PSMD14: variants seen among roughly 807,000 people sequenced by gnomAD.
PSMD14 encodes proteasome 26S subunit, non-ATPase 14.
In PSMD14, 7 loss-of-function variants were observed where a neutral mutation model predicts 41.2. That is an observed-to-expected ratio of 0.17 (90% CI 0.10 to 0.32). The LOEUF (loss-of-function observed/expected upper bound fraction) is 0.32, where lower values mean the gene tolerates loss of function less well. Among genes scored for constraint, PSMD14 ranks in the 10% least tolerant of loss-of-function variants. The pLI, the probability that PSMD14 is intolerant of heterozygous loss-of-function variation, is 1.00. For missense variants in PSMD14, 139 were observed against 375.6 expected, an observed-to-expected ratio of 0.37 and a Z score of 5.21; for synonymous variants, 114 against 122.3, an observed-to-expected ratio of 0.93 and a Z score of 0.45.
At chr2:161,350,744 AG>A (rs1287960090) in intron 3 of PSMD14, among the ~76,000 whole-genome samples, 3 of 152,266 alleles carry the variant, frequency 2.0e-5, no homozygotes, top group Admixed American at 6.5e-5. Context: ...GCTGTAATGC[AG>A]GTATAGTTAG....
At position 161,395,151 on chromosome 2, in the gene PSMD14, A is replaced by T. The variant is rs146149534; in HGVS notation, c.719A>T (p.His240Leu). 2.1e-5 allele frequency: 33 copies of T among 1,600,048 alleles called. No homozygotes were observed. The highest frequency in any genetic ancestry group is 2.8e-5 in the Non-Finnish European group (33 of 1,172,206). ...CAGGACTACAGTGAACATTGTAAAC[A>T]CAATGAATCAGTGGTAAAAGAGATG... ...TLQDYSEHCK[H>L]NESVVKEMLE... Residue 240 changes from histidine (H) to leucine (L), a missense_variant, in exon 10 of 12, where the codon CAC becomes CTC. His to Leu is a moderately conservative substitution (Grantham distance 99). Around this residue, in one of 4 missense-constraint regions of PSMD14, gnomAD observed 80 missense variants for 138.1 expected, o/e 0.58. Coordinates refer to ENST00000409682, the MANE Select transcript of PSMD14 (RefSeq NM_005805.6).
intron 10 of PSMD14, chr2:161,408,226 C>T (rs1683979222): frequency 6.6e-6 from 1 of 151,960 alleles, no homozygotes; most frequent in Non-Finnish European, 1.5e-5. Context: ...TACTAAAGAT[C>T]ACTCATGTGG....
At chr2:161,324,787 AT>A (rs1263145964) in intron 3 of PSMD14, among the ~76,000 whole-genome samples, 1 of 152,078 alleles carries the variant, frequency 6.6e-6, no homozygotes, top group Non-Finnish European at 1.5e-5. Flanking sequence ...TTACATGAAT[AT>A]TTGTGACTTT....
chr2:161,340,975 G>C, intron 3 of PSMD14: 5 of 1,612,832 alleles, frequency 3.1e-6, no homozygotes, highest in Non-Finnish European at 4.2e-6. Flanking sequence ...TCCAAGTCCT[G>C]CTCCTCTTCC....
intron 10 of PSMD14, among the ~76,000 whole-genome samples, chr2:161,404,387 T>G (rs1683922275): frequency 1.3e-5 from 2 of 152,212 alleles, no homozygotes; most frequent in African/African-American, 4.8e-5. Flanking sequence ...GTAACTTTAT[T>G]AAGTGGCCAA....
chr2:161,400,419 C>T lies in PSMD14; in HGVS notation c.771+5216C>T, dbSNP rs140510496. On this transcript the variant is annotated intron_variant, in intron 10 of 11. Coordinates refer to ENST00000409682, the MANE Select transcript of PSMD14 (RefSeq NM_005805.6). ...TCCACACAGCACTCCTGATTACAACCGGCCCTGGAACTATATGGATTTGGA... is the reference window on the plus strand; with the variant it reads ...TCCACACAGCACTCCTGATTACAACTGGCCCTGGAACTATATGGATTTGGA... Among the ~76,000 whole-genome samples the T allele has an allele frequency of 4.6e-5, 7 of 152,180 alleles. 1 individual carries two copies. In the South Asian group the frequency reaches 8.3e-4, roughly 18 times the overall value.
chr2:161,380,435 G>A (rs541533771), intron 7 of PSMD14, among the ~76,000 whole-genome samples: 4 of 151,820 alleles, frequency 2.6e-5, no homozygotes, highest in South Asian at 4.2e-4. Flanking sequence ...AAGCATATAC[G>A]TTCAAAACTT....
chr2:161,379,119 G>T (rs1488547104), intron 7 of PSMD14, among the ~76,000 whole-genome samples: 4 of 152,022 alleles, frequency 2.6e-5, no homozygotes, highest in East Asian at 1.9e-4. Flanking sequence ...TTATTGCTTT[G>T]CTTTATATGG....
At chr2:161,365,883 A>C (rs1683351202) in intron 3 of PSMD14, among the ~76,000 whole-genome samples, 1 of 152,152 alleles carries the variant, frequency 6.6e-6, no homozygotes. Context: ...AGATCACCAG[A>C]ATCAATTCCT....
chr2:161,402,219 G>C (rs774093723), intron 10 of PSMD14, among the ~76,000 whole-genome samples: 1 of 152,086 alleles, frequency 6.6e-6, no homozygotes, highest in Non-Finnish European at 1.5e-5. Flanking sequence ...CCATTCTGTA[G>C]AATGATCTTT....
intron 3 of PSMD14, among the ~76,000 whole-genome samples, chr2:161,343,692 G>A (rs1395724133): frequency 6.6e-6 from 1 of 152,212 alleles, no homozygotes; most frequent in Non-Finnish European, 1.5e-5. Context: ...GCCATGCATG[G>A]TGTCCCACCC....
At chr2:161,331,449 G>A (rs1209018950) in intron 3 of PSMD14, among the ~76,000 whole-genome samples, 3 of 151,914 alleles carry the variant, frequency 2.0e-5, no homozygotes, top group Non-Finnish European at 4.4e-5. Flanking sequence ...TAGTAGAGAC[G>A]GGGTTTCACC....
At chr2:161,323,603 C>T (rs1347360902) in intron 3 of PSMD14, among the ~76,000 whole-genome samples, 3 of 151,590 alleles carry the variant, frequency 2.0e-5, no homozygotes, top group Non-Finnish European at 2.9e-5. Context: ...GTGGAGGTTG[C>T]AGTGAGCCAA....
At chr2:161,397,484 G>A (rs1027873244) in intron 10 of PSMD14, among the ~76,000 whole-genome samples, 1 of 152,096 alleles carries the variant, frequency 6.6e-6, no homozygotes, top group African/African-American at 2.4e-5. Flanking sequence ...GAGGAAGGAG[G>A]TAAAGAGTTT....
At chr2:161,385,171 T>C (rs1272521261) in intron 7 of PSMD14, 1 of 186,198 alleles carries the variant, frequency 5.4e-6, no homozygotes, top group East Asian at 1.2e-4. Context: ...CAGTGAAAGC[T>C]GTTTGGTGTA....
intron 3 of PSMD14, among the ~76,000 whole-genome samples, chr2:161,349,259 C>T (rs939155533): frequency 6.6e-6 from 1 of 152,090 alleles, no homozygotes; most frequent in African/African-American, 2.4e-5. Flanking sequence ...TTTGTTATGC[C>T]TTTTGGATAT....
At chr2:161,389,398 C>T (rs183322349) in intron 8 of PSMD14, among the ~76,000 whole-genome samples, 129 of 152,230 alleles carry the variant, frequency 8.5e-4, no homozygotes, top group Admixed American at 2.8e-3. Context: ...CTAATGTACA[C>T]GAATATGAGC....
intron 3 of PSMD14, among the ~76,000 whole-genome samples, chr2:161,332,526 A>C (rs1188981102): frequency 1.3e-5 from 2 of 152,244 alleles, no homozygotes; most frequent in Non-Finnish European, 2.9e-5. Flanking sequence ...CCAATTAGCC[A>C]TCAAGTGCTT....
At chr2:161,406,707 T>C (rs980508280) in intron 10 of PSMD14, among the ~76,000 whole-genome samples, 3 of 152,164 alleles carry the variant, frequency 2.0e-5, no homozygotes, top group Admixed American at 2.0e-4. Flanking sequence ...TATGCCTAAA[T>C]CTACAGCTGC....
Sources: gnomAD v4.1 joint callset for allele counts (sites outside exome capture counted in the v4.1 genomes callset) on GRCh38, gnomAD v4.1.1 for gene constraint, gnomAD v4.1.1 regional missense constraint, MANE v1.5 for transcripts, NCBI Gene and HGNC (gene_info 2026-07-23, HGNC 2026-07-21) for gene names.